STXBP3: variants seen among roughly 807,000 people sequenced by gnomAD.
STXBP3 encodes syntaxin binding protein 3, also known as syntaxin-binding protein 3.
Under a neutral mutation model 85.7 loss-of-function variants are expected in STXBP3, and 41 were observed. The observed-to-expected ratio is 0.48, with a 90% confidence interval of 0.37 to 0.62. STXBP3 has a LOEUF of 0.62. STXBP3 is among the 20% of genes least tolerant of loss of function. The probability of loss-of-function intolerance (pLI) is 0.00; values close to 1 mark genes in which losing one functional copy is unlikely to be tolerated. For synonymous variants in STXBP3, 229 were observed against 231.7 expected (o/e 0.99, Z 0.10); for missense variants, 563 against 703.1 (o/e 0.80, Z 2.25).
intron 1 of STXBP3, among the ~76,000 whole-genome samples, chr1:108,749,877 A>G (rs1661865614): frequency 6.6e-6 from 1 of 152,212 alleles, no homozygotes; most frequent in Non-Finnish European, 1.5e-5. Flanking sequence ...GTCACATAAA[A>G]AGGTAAAAAG....
At chr1:108,777,094 C>T (rs1662608279) in intron 8 of STXBP3, among the ~76,000 whole-genome samples, 1 of 152,042 alleles carries the variant, frequency 6.6e-6, no homozygotes, top group African/African-American at 2.4e-5. Flanking sequence ...AGGAGACTGA[C>T]AGAGGTGGTG....
intron 1 of STXBP3, among the ~76,000 whole-genome samples, chr1:108,747,897 A>T (rs1003144545): frequency 2.6e-5 from 4 of 152,220 alleles, no homozygotes; most frequent in Non-Finnish European, 5.9e-5. Context: ...AAGATTTGAG[A>T]TGTTTTAAAA....
At chr1:108,777,323 T>C (rs1042073683) in intron 8 of STXBP3, among the ~76,000 whole-genome samples, 2 of 152,114 alleles carry the variant, frequency 1.3e-5, no homozygotes, top group Non-Finnish European at 2.9e-5. Flanking sequence ...GCCCTTTAGC[T>C]TGAAGAATGA....
intron 4 of STXBP3, among the ~76,000 whole-genome samples, 199 bp from the exon 5 acceptor site, chr1:108,758,311 T>G (rs138955181): frequency 6.6e-6 from 1 of 152,136 alleles, no homozygotes; most frequent in African/African-American, 2.4e-5. Context: ...AATATTACCT[T>G]ACTCTTTTTA....
At chr1:108,807,819 C>T (rs540217797) in intron 18 of STXBP3, among the ~76,000 whole-genome samples, 58 of 152,128 alleles carry the variant, frequency 3.8e-4, no homozygotes, top group African/African-American at 1.2e-3. Context: ...TTAGGTGATC[C>T]GCCCGCCTCG....
chr1:108,746,696 G>T lies in STXBP3; in HGVS notation c.-42G>T. On this transcript the variant is annotated 5_prime_UTR_variant, in exon 1 of 19. Coordinates refer to ENST00000370008, the MANE Select transcript of STXBP3 (RefSeq NM_007269.4). ...GCCGCTTCTGCGGCCAAAGTAGGTT[G>T]GGAGTGGAAGGTGGTGGCTGCTGCT... The T allele has an allele frequency of 6.5e-7, 1 of 1,547,620 alleles. No individual in the cohort carries two copies. Among genetic ancestry groups the T allele is most frequent in the Non-Finnish European group, 8.7e-7 (1 of 1,145,046 alleles).
chr1:108,773,274 C>T (rs941895755), intron 7 of STXBP3, among the ~76,000 whole-genome samples: 1 of 152,074 alleles, frequency 6.6e-6, no homozygotes, highest in Non-Finnish European at 1.5e-5. Flanking sequence ...TATACCTTGA[C>T]TTATATACTT....
chr1:108,784,122 A>G (rs1662777739), intron 11 of STXBP3, among the ~76,000 whole-genome samples: 2 of 152,230 alleles, frequency 1.3e-5, no homozygotes, highest in Non-Finnish European at 1.5e-5. Context: ...TTTCTTTTAT[A>G]CTTTCTCTGT....
chr1:108,766,027 T>C (rs1228124313), intron 6 of STXBP3, among the ~76,000 whole-genome samples: 5 of 151,864 alleles, frequency 3.3e-5, no homozygotes. Context: ...TGATTTTTTG[T>C]ATTTTTAGTA....
chr1:108,783,197 G>A (rs1018390512), intron 11 of STXBP3, among the ~76,000 whole-genome samples: 2 of 152,184 alleles, frequency 1.3e-5, no homozygotes, highest in African/African-American at 4.8e-5. Context: ...TTATTTTAAG[G>A]CCATTTAGTC....
At chr1:108,773,785 C>T (rs1164503322) in intron 7 of STXBP3, among the ~76,000 whole-genome samples, 2 of 152,014 alleles carry the variant, frequency 1.3e-5, no homozygotes, top group South Asian at 2.1e-4. Context: ...CCCATGCAGA[C>T]GTGGAGGGAT....
chr1:108,797,166 G>A (rs924473828), intron 15 of STXBP3, among the ~76,000 whole-genome samples: 2 of 151,890 alleles, frequency 1.3e-5, no homozygotes, highest in African/African-American at 4.8e-5. Context: ...ACCAGCCTGG[G>A]CATCATAGTA....
At position 108,807,625 on chromosome 1, in the gene STXBP3, G is replaced by A; in HGVS notation, c.1684+76G>A. Reference sequence around the variant, plus strand: ...AAGTCTCGGTCTTGTCCCCCAGGCTGGAGTGGAATGGCGCAATCTTGGCTC... The same window carrying A: ...AAGTCTCGGTCTTGTCCCCCAGGCTAGAGTGGAATGGCGCAATCTTGGCTC... On this transcript the variant is annotated intron_variant, in intron 18 of 18. Coordinates refer to ENST00000370008, the MANE Select transcript of STXBP3 (RefSeq NM_007269.4). 2.1e-6 allele frequency: 3 copies of A among 1,454,294 alleles called. No individual in the cohort carries two copies. The South Asian group carries it at 3.9e-5, about 19-fold the overall frequency. 90.1% of individuals were successfully genotyped at this position (1,454,294 alleles called of 1,614,324 possible). A position where few individuals can be genotyped will look rare whatever the true frequency, so the allele number is the denominator to read the frequency against.
intron 17 of STXBP3, among the ~76,000 whole-genome samples, chr1:108,801,906 C>T (rs1473729304): frequency 2.0e-5 from 3 of 151,868 alleles, no homozygotes; most frequent in African/African-American, 7.3e-5. Context: ...TGGGCTCAAG[C>T]GATCTTCCTG....
chr1:108,799,571 A>C (rs1267321830), intron 16 of STXBP3, among the ~76,000 whole-genome samples: 1 of 152,106 alleles, frequency 6.6e-6, no homozygotes, highest in African/African-American at 2.4e-5. Flanking sequence ...TTTGTGCCCA[A>C]TCCATGTGCC....
chr1:108,759,906 T>C, intron 5 of STXBP3, 79 bp from the exon 6 acceptor site: 1 of 840,396 alleles, frequency 1.2e-6, no homozygotes, highest in Admixed American at 2.7e-5. Flanking sequence ...TGTATAACTA[T>C]TCTTGGATGT....
intron 17 of STXBP3, among the ~76,000 whole-genome samples, chr1:108,800,670 A>AT (rs1353927656): frequency 2.6e-5 from 4 of 152,218 alleles, no homozygotes; most frequent in African/African-American, 9.6e-5. Flanking sequence ...AAATCATTAT[A>AT]ATTCAAGCTT....
rs760236709 is a variant in STXBP3, at chr1:108,800,321, G to GA, written c.1535+20dup. 3 of 1,557,674 alleles carry GA rather than the reference G, an allele frequency of 1.9e-6. No homozygotes were observed. In the South Asian group the frequency reaches 3.4e-5, roughly 18 times the overall value. On this transcript the variant is annotated intron_variant, in intron 17 of 18. Coordinates refer to ENST00000370008, the MANE Select transcript of STXBP3 (RefSeq NM_007269.4). ...GAGCTGTAAGGTAAATTCTACAAGTGAAAATCAATGAAATTTTCATTCTAC... is the reference window on the plus strand; with the variant it reads ...GAGCTGTAAGGTAAATTCTACAAGTGAAAAATCAATGAAATTTTCATTCTAC...
At chr1:108,796,212 A>G (rs1557814392) in intron 13 of STXBP3, 22 bp from the exon 14 acceptor site, 1 of 1,600,964 alleles carries the variant, frequency 6.2e-7, no homozygotes, top group Admixed American at 1.8e-5. Flanking sequence ...TAGATCACTG[A>G]CAATATTTTA....
Sources: allele counts gnomAD v4.1 joint callset (sites outside exome capture counted in the v4.1 genomes callset), GRCh38; gene constraint gnomAD v4.1.1; transcripts MANE v1.5; gene names NCBI Gene and HGNC (gene_info 2026-07-23, HGNC 2026-07-21).